Variants in ARHGEF10 observed in about 807,000 individuals in gnomAD.
ARHGEF10 encodes the protein Rho guanine nucleotide exchange factor (GEF) 10.
In ARHGEF10, 140 loss-of-function variants were observed where a neutral mutation model predicts 147.4. The observed-to-expected ratio is 0.95, with a 90% CI of 0.83 to 1.09. ARHGEF10 has a LOEUF of 1.09. Ranked by LOEUF, ARHGEF10 falls within the 50% of genes least tolerant of loss-of-function variation. The pLI, the probability that ARHGEF10 is intolerant of heterozygous loss-of-function variation, is 0.00. For missense variants in ARHGEF10, 2,222 were observed against 1,752.7 expected, an observed-to-expected ratio of 1.27 and a Z score of -4.78; for synonymous variants, 902 against 695.8, an observed-to-expected ratio of 1.30 and a Z score of -4.67.
intron 4 of ARHGEF10, among the ~76,000 whole-genome samples, chr8:1,860,943 C>A (rs562121043): frequency 6.6e-6 from 1 of 152,158 alleles, no homozygotes; most frequent in Non-Finnish European, 1.5e-5. Context: ...TGCTTTTCCT[C>A]GCCGGGAAGA....
chr8:1,889,279 GTGAGGGTT>G lies in ARHGEF10; in HGVS notation c.1182+3575_1182+3582del, dbSNP rs1809166235. On this transcript the variant is annotated intron_variant, in intron 11 of 28. Transcript: ENST00000349830. ...GAGGTGTGAGGAGACACTGAATGTGGTGAGGGTTTGTGAGGAGATACTGCATGGGGTGA... is the reference window on the plus strand; with the variant it reads ...GAGGTGTGAGGAGACACTGAATGTGGTGTGAGGAGATACTGCATGGGGTGA... Among the ~76,000 whole-genome samples the G allele has an allele frequency of 2.5e-5, 2 of 79,518 alleles. 1 individual carries two copies. Among genetic ancestry groups the G allele is most frequent in the African/African-American group, 1.3e-4 (2 of 15,840 alleles). The allele number at this position is 79,518 out of a possible 152,430, so 52.2% of individuals were successfully genotyped here. A position where few individuals can be genotyped will look rare whatever the true frequency, so the allele number is the denominator to read the frequency against.
chr8:1,920,123 A>G (rs1389369603), intron 18 of ARHGEF10, among the ~76,000 whole-genome samples: 1 of 151,698 alleles, frequency 6.6e-6, no homozygotes, highest in African/African-American at 2.4e-5. Context: ...TGGGTGATGG[A>G]GCTGTTCTGT....
At position 1,946,819 on chromosome 8, in the gene ARHGEF10, T is replaced by A. The variant is rs766098689; in HGVS notation, c.3397+1164T>A. The stretch of plus-strand genomic sequence containing the variant: ...GGAGGCCGAGGAGGTGTTGAGGATG[T>A]TCCTCGGGGCCTCCGTGTCCCCGCC... On this transcript the variant is annotated intron_variant, in intron 27 of 28. Coordinates refer to ENST00000349830, the MANE Select transcript of ARHGEF10 (RefSeq NM_014629.4). 3.1e-4 allele frequency among the ~76,000 whole-genome samples: 47 copies of A among 152,290 alleles called. 1 individual carries two copies. The highest frequency in any genetic ancestry group is 3.4e-3 in the Middle Eastern group (1 of 292).
intron 26 of ARHGEF10, among the ~76,000 whole-genome samples, chr8:1,941,520 AG>A (rs1248140039): frequency 2.0e-5 from 3 of 152,242 alleles, no homozygotes; most frequent in Non-Finnish European, 4.4e-5. Flanking sequence ...ATTGTTAAGA[AG>A]AAAACAGTCC....
chr8:1,930,185 CGGT>C (rs1169363766), intron 25 of ARHGEF10, among the ~76,000 whole-genome samples: 1 of 152,116 alleles, frequency 6.6e-6, no homozygotes, highest in East Asian at 1.9e-4. Flanking sequence ...CAGCCAGTCT[CGGT>C]GCTGCCATCC....
rs550045673 is a variant in ARHGEF10 at position 1,884,159 on chromosome 8, C to T, written c.1075+1410C>T. 1.8e-4 allele frequency among the ~76,000 whole-genome samples: 27 copies of T among 152,118 alleles called. No individual in the cohort carries two copies. In the South Asian group the frequency reaches 4.8e-3, roughly 27 times the overall value. On this transcript the variant is annotated intron_variant, in intron 10 of 28. Coordinates refer to ENST00000349830, the MANE Select transcript of ARHGEF10 (RefSeq NM_014629.4). ...CTGTAATCCCAGCATTTTTGGAGGC[C>T]GAGGCGGGCAGATCACGAGGTCAGG...
chr8:1,876,688 A>G lies in ARHGEF10; in HGVS notation c.797A>G (p.Lys266Arg). The G allele has an allele frequency of 6.2e-7, 1 of 1,614,246 alleles. No individual in the cohort carries two copies. ...SYEEQSDSEC[K>R]NGIPRSFLRS... The stretch of plus-strand genomic sequence containing the variant: ...GAAGAGCAGAGTGACTCGGAGTGCA[A>G]GAATGGGATTCCCAGGTCCTTCCTG... The change falls in exon 8 of 29, where the codon AAG becomes AGG. Residue 266 changes from lysine to arginine, a missense_variant. Transcript: ENST00000349830.
intron 1 of ARHGEF10, among the ~76,000 whole-genome samples, chr8:1,831,281 C>T (rs202057143): frequency 0.015 from 2,055 of 134,166 alleles, 85 homozygotes; most frequent in East Asian, 0.1. Context: ...GACAGTGTGA[C>T]GGCTGTGGAG....
intron 7 of ARHGEF10, among the ~76,000 whole-genome samples, chr8:1,874,839 G>GGGC (rs1807532806): frequency 1.5e-5 from 2 of 132,144 alleles, no homozygotes; most frequent in Admixed American, 7.5e-5. Context: ...ACACACCACG[G>GGGC]CGTGTAGGGG....
rs543445305 is a variant in ARHGEF10 at position 1,880,226 on chromosome 8, C to T, written c.960+62C>T. 1.1e-4 allele frequency: 120 copies of T among 1,135,302 alleles called. No individual in the cohort carries two copies. In the East Asian group the frequency reaches 1.2e-3, roughly 11 times the overall value. 70.3% of individuals were successfully genotyped at this position (1,135,302 alleles called of 1,614,324 possible). A position where few individuals can be genotyped will look rare whatever the true frequency, so the allele number is the denominator to read the frequency against. On this transcript the variant is annotated intron_variant, in intron 9 of 28. Coordinates refer to ENST00000349830, the MANE Select transcript of ARHGEF10 (RefSeq NM_014629.4). ...AGCCGGGCAGTAAAGAAAAACCGCG[C>T]GGCTCGGTCGGTCCTTGCTGTCTCA...
At chr8:1,902,923 A>T (rs1810585916) in intron 15 of ARHGEF10, among the ~76,000 whole-genome samples, 1 of 152,170 alleles carries the variant, frequency 6.6e-6, no homozygotes, top group African/African-American at 2.4e-5. Context: ...AAGTAGCTGG[A>T]CCCATCTGTG....
chr8:1,880,564 C>G (rs1476214060), intron 9 of ARHGEF10, among the ~76,000 whole-genome samples: 1 of 151,984 alleles, frequency 6.6e-6, no homozygotes, highest in African/African-American at 2.4e-5. Flanking sequence ...TAAAAATATC[C>G]AAAATTTTTC....
Position 1,882,602 on chromosome 8 carries a change from C to T in ARHGEF10, c.961-33C>T, listed in dbSNP as rs200302930. 39 of 1,529,648 alleles carry T rather than the reference C, an allele frequency of 2.5e-5. No homozygotes were observed. The East Asian group carries it at 5.1e-4, about 20-fold the overall frequency. The allele number at this position is 1,529,648 out of a possible 1,614,324, so 94.8% of individuals were successfully genotyped here. On this transcript the variant is annotated intron_variant, in intron 9 of 28. Coordinates refer to ENST00000349830, the MANE Select transcript of ARHGEF10 (RefSeq NM_014629.4). ...GAAAGTCGCAGGTGGGTTCTGCCGCCGTCCCGTTCTCACATCTCCCTCTCC... is the reference window on the plus strand; with the variant it reads ...GAAAGTCGCAGGTGGGTTCTGCCGCTGTCCCGTTCTCACATCTCCCTCTCC...
intron 13 of ARHGEF10, among the ~76,000 whole-genome samples, chr8:1,895,442 C>T (rs1434434972): frequency 1.3e-5 from 2 of 152,040 alleles, no homozygotes. Flanking sequence ...TGTATATGTA[C>T]TTGATGAGGT....
At chr8:1,867,875 A>G (rs1279479804) in intron 6 of ARHGEF10, among the ~76,000 whole-genome samples, 1 of 152,192 alleles carries the variant, frequency 6.6e-6, no homozygotes, top group Non-Finnish European at 1.5e-5. Flanking sequence ...TCTGGTTTCA[A>G]TTATGACGTT....
rs1473072886 is a variant in ARHGEF10 at position 1,882,706 on chromosome 8, G to T, written c.1032G>T (p.Lys344Asn). The T allele has an allele frequency of 6.4e-7, 1 of 1,556,358 alleles. No homozygotes were observed. The highest frequency in any genetic ancestry group is 1.9e-5 in the Admixed American group (1 of 51,656). ...DGLERTRAAV[K>N]RGRSFIRTKS... The stretch of plus-strand genomic sequence containing the variant: ...TGGAGAGGACCAGGGCAGCCGTGAA[G>T]AGGGGCCGCTCCTTCATCAGGACCA... Residue 344 changes from lysine (K) to asparagine (N), a missense_variant, in exon 10 of 29, where the codon AAG becomes AAT. Physicochemically the swap from Lys to Asn is moderately conservative, Grantham distance 94 (BLOSUM62 0). Coordinates refer to ENST00000349830, the MANE Select transcript of ARHGEF10 (RefSeq NM_014629.4).
At chr8:1,908,435 T>C (rs897491613) in intron 17 of ARHGEF10, among the ~76,000 whole-genome samples, 1 of 152,038 alleles carries the variant, frequency 6.6e-6, no homozygotes, top group Non-Finnish European at 1.5e-5. Flanking sequence ...GGTGTCACTG[T>C]GTTAGCCAGG....
At chr8:1,947,920 T>C (rs1027808720) in intron 27 of ARHGEF10, among the ~76,000 whole-genome samples, 1 of 151,820 alleles carries the variant, frequency 6.6e-6, no homozygotes, top group Admixed American at 6.6e-5. Context: ...CCTCCAAGCA[T>C]AGAGCACCCA....
chr8:1,934,104 G>A (rs1355840213), intron 26 of ARHGEF10, among the ~76,000 whole-genome samples, 162 bp downstream of exon 26: 3 of 152,216 alleles, frequency 2.0e-5, no homozygotes, highest in South Asian at 4.1e-4. Context: ...GGAGGCCAAG[G>A]TTGGAGGACT....
Sources: gnomAD v4.1 joint callset for allele counts (sites outside exome capture counted in the v4.1 genomes callset) on GRCh38, gnomAD v4.1.1 for gene constraint, MANE v1.5 for transcripts, NCBI Gene and HGNC (gene_info 2026-07-23, HGNC 2026-07-21) for gene names.